Variants in GDPD4 observed in about 807,000 individuals in gnomAD.
GDPD4 encodes glycerophosphodiester phosphodiesterase 6.
In GDPD4, 60 loss-of-function variants were observed where a neutral mutation model predicts 67.8. That is an observed-to-expected ratio of 0.88 (90% CI 0.72 to 1.10). The LOEUF (loss-of-function observed/expected upper bound fraction) is 1.10. Among genes scored for constraint, GDPD4 ranks in the 50% least tolerant of loss-of-function variants. The pLI is 0.00. For synonymous variants in GDPD4, 212 were observed against 210.9 expected (o/e 1.00, Z -0.04); for missense variants, 623 against 613.9 (o/e 1.01, Z -0.16).
At chr11:77,233,001 G>A (rs750791536) in intron 14 of GDPD4, 24 bp downstream of exon 14, 2 of 1,612,796 alleles carry the variant, frequency 1.2e-6, no homozygotes, top group Non-Finnish European at 1.7e-6. Flanking sequence ...AAGCCTGGAA[G>A]AACAATCTGG....
At position 77,264,456 on chromosome 11, in the gene GDPD4, G is replaced by A. The variant is rs1054752332; in HGVS notation, c.707+4001C>T. Reference sequence around the variant, plus strand: ...TTCCAACACTTTAAAGGCAAGAAGGGAAGAAGGAGCCAGCAAAAGAAGTCA... The same window carrying A: ...TTCCAACACTTTAAAGGCAAGAAGGAAAGAAGGAGCCAGCAAAAGAAGTCA... On this transcript the variant is annotated intron_variant, in intron 10 of 16. Coordinates refer to ENST00000315938, the MANE Select transcript of GDPD4 (RefSeq NM_182833.3). 2.6e-5 allele frequency among the ~76,000 whole-genome samples: 4 copies of A among 152,044 alleles called. No homozygotes were observed. In the East Asian group the frequency reaches 7.7e-4, roughly 29 times the overall value.
Position 77,243,815 on chromosome 11 carries a change from C to A in GDPD4, c.1120G>T (p.Val374Phe), listed in dbSNP as rs779270640. The change falls in exon 13 of 17, where the codon GTC (valine) becomes TTC (phenylalanine). Residue 374 changes from valine (V) to phenylalanine (F), a missense_variant. Transcript: ENST00000315938. ...TGAAAACCAGGAGCCACGGACCTGA[C>A]GTATTGCCTATCATGAGCTGGCAAC... Reference protein sequence around the residue: ...FWLPAHDRQYVRSVAPGFQHV... With the variant: ...FWLPAHDRQYFRSVAPGFQHV... 3 of 1,613,620 alleles carry A rather than the reference C, an allele frequency of 1.9e-6. No homozygotes were observed. In the East Asian group the frequency reaches 6.7e-5, roughly 36 times the overall value.
At chr11:77,288,278 C>G (rs1016970552) in intron 1 of GDPD4, among the ~76,000 whole-genome samples, 1 of 152,170 alleles carries the variant, frequency 6.6e-6, no homozygotes, top group African/African-American at 2.4e-5. Context: ...GCTCCAGGTC[C>G]CACCCACCTG....
intron 4 of GDPD4, among the ~76,000 whole-genome samples, chr11:77,277,474 C>G (rs1359129610): frequency 7.8e-6 from 1 of 128,232 alleles, no homozygotes; most frequent in Non-Finnish European, 1.6e-5. Context: ...TCGATCTCGG[C>G]TCAGTGCAAG....
At chr11:77,301,516 A>G (rs1344650908) in intron 1 of GDPD4, 89 bp downstream of exon 1, 1 of 152,254 alleles carries the variant, frequency 6.6e-6, no homozygotes, top group East Asian at 1.9e-4. Flanking sequence ...AAGGGCCTCA[A>G]GTTTGGCCGC....
chr11:77,248,051 CAAAAAA>C (rs34252021), intron 11 of GDPD4, among the ~76,000 whole-genome samples: 6 of 62,710 alleles, frequency 9.6e-5, no homozygotes, highest in Non-Finnish European at 1.6e-4. Context: ...AACTCCGTCT[CAAAAAA>C]AAAAAAAAAA....
chr11:77,254,698 T>C (rs1344529503), intron 11 of GDPD4, among the ~76,000 whole-genome samples: 2 of 152,226 alleles, frequency 1.3e-5, no homozygotes, highest in Admixed American at 6.5e-5. Context: ...GAAGTGTTGG[T>C]TGGGCTAAAG....
rs57989259 is a variant in GDPD4 at position 77,235,009 on chromosome 11, G to GTTTTTTTTTTTT, written c.1242-1849_1242-1838dup. On this transcript the variant is annotated intron_variant, in intron 13 of 16. Transcript: ENST00000315938. ...TCTCTCTGCAACCTTGTCAATATCT[G>GTTTTTTTTTTTT]TTTTTTTTTTTTTTTTTTTTTTTTT... Among the ~76,000 whole-genome samples, 223 of 52,250 alleles carry GTTTTTTTTTTTT rather than the reference G, an allele frequency of 4.3e-3. 32 individuals carry two copies. The highest frequency in any genetic ancestry group is 0.011 in the South Asian group (8 of 758). The allele number at this position is 52,250 out of a possible 152,430, so 34.3% of individuals were successfully genotyped here.
At chr11:77,271,654 A>G (rs1313916309) in intron 5 of GDPD4, among the ~76,000 whole-genome samples, 1 of 152,218 alleles carries the variant, frequency 6.6e-6, no homozygotes, top group Non-Finnish European at 1.5e-5. Context: ...TACCATTACT[A>G]ATTTACTATC....
In GDPD4 at chr11:77,217,023, T is replaced by C. The variant is rs1045514108; in HGVS notation, c.*254A>G. 2 of 703,474 alleles carry C rather than the reference T, an allele frequency of 2.8e-6. No homozygotes were observed. The highest frequency in any genetic ancestry group is 1.7e-5 in the African/African-American group (1 of 57,256). 43.6% of individuals were successfully genotyped at this position (703,474 alleles called of 1,614,324 possible). Reference sequence around the variant, plus strand: ...GTAGTTTGAAAGGTAGCCTCACTTGTAGCCTGCCTGGTGGGTGCTTGGGTG... The same window carrying C: ...GTAGTTTGAAAGGTAGCCTCACTTGCAGCCTGCCTGGTGGGTGCTTGGGTG... On this transcript the variant is annotated 3_prime_UTR_variant, in exon 17 of 17. Transcript: ENST00000315938.
intron 4 of GDPD4, among the ~76,000 whole-genome samples, chr11:77,277,391 CTTTTTTTTTTTTTT>C (rs71043564): frequency 3.4e-5 from 2 of 58,328 alleles, no homozygotes; most frequent in Non-Finnish European, 6.2e-5. Flanking sequence ...GCCATGTTTC[CTTTTTTTTTTTTTT>C]TTTTTTTTTT....
intron 8 of GDPD4, 99 bp from the exon 9 acceptor site, chr11:77,269,168 C>T: frequency 1.0e-6 from 1 of 1,003,544 alleles, no homozygotes; most frequent in South Asian, 1.6e-5. Context: ...ACCCACAGTC[C>T]ATGGGTTTCA....
intron 10 of GDPD4, among the ~76,000 whole-genome samples, chr11:77,259,848 T>C (rs1959078007): frequency 6.6e-6 from 1 of 152,064 alleles, no homozygotes. Flanking sequence ...GTGTACAGAG[T>C]AAAACTATGA....
At position 77,216,727 on chromosome 11, in the gene GDPD4, G is replaced by A. The variant is rs1958127607; in HGVS notation, c.*550C>T. 1.7e-6 allele frequency: 1 copy of A among 588,246 alleles called. No individual in the cohort carries two copies. Among genetic ancestry groups the A allele is most frequent in the Admixed American group, 3.0e-5 (1 of 33,360 alleles). 36.4% of individuals were successfully genotyped at this position (588,246 alleles called of 1,614,324 possible). A position where few individuals can be genotyped will look rare whatever the true frequency, so the allele number is the denominator to read the frequency against. On this transcript the variant is annotated 3_prime_UTR_variant, in exon 17 of 17. Transcript: ENST00000315938. ...CATTCTTGATAGCGAGAGCACAATG[G>A]TTCCCCTGAGAGCCTCCGTGGCCCT...
intron 4 of GDPD4, among the ~76,000 whole-genome samples, chr11:77,278,528 T>C (rs567009647): frequency 5.8e-4 from 88 of 152,350 alleles, no homozygotes; most frequent in Non-Finnish European, 1.1e-3. Flanking sequence ...CTTCGTATAC[T>C]CAGCACTTCT....
rs550688811 is a variant in GDPD4 at position 77,244,501 on chromosome 11, G to C, written c.1087-653C>G. ...AGTAGATTAGTTGATAGATATGGGT[G>C]AATAGTGAGAATCAAAAACATCTTT... On this transcript the variant is annotated intron_variant, in intron 12 of 16. Coordinates refer to ENST00000315938, the MANE Select transcript of GDPD4 (RefSeq NM_182833.3). Among the ~76,000 whole-genome samples, 10 of 152,262 alleles carry C rather than the reference G, an allele frequency of 6.6e-5. No individual in the cohort carries two copies. In the South Asian group the frequency reaches 2.1e-3, roughly 32 times the overall value.
chr11:77,280,140 C>G (rs1198157323), intron 3 of GDPD4, among the ~76,000 whole-genome samples: 1 of 151,330 alleles, frequency 6.6e-6, no homozygotes, highest in African/African-American at 2.5e-5. Context: ...CAAAAGGTAT[C>G]CCAGATCAAG....
At chr11:77,240,453 G>A (rs1958640270) in intron 13 of GDPD4, among the ~76,000 whole-genome samples, 1 of 152,098 alleles carries the variant, frequency 6.6e-6, no homozygotes, top group South Asian at 2.1e-4. Context: ...AATGAAATTA[G>A]GCCCTTATCT....
chr11:77,255,200 A>ACAGAT (rs1958980734), intron 11 of GDPD4, among the ~76,000 whole-genome samples: 1 of 152,224 alleles, frequency 6.6e-6, no homozygotes. Context: ...CACTGCAATA[A>ACAGAT]CAGATCCAAC....
Sources: allele counts gnomAD v4.1 joint callset (sites outside exome capture counted in the v4.1 genomes callset), GRCh38; gene constraint gnomAD v4.1.1; transcripts MANE v1.5; gene names NCBI Gene and HGNC (gene_info 2026-07-23, HGNC 2026-07-21).